The following LRRC36 variants were observed in gnomAD, a reference collection of about 807,000 sequenced individuals.
The protein encoded by LRRC36 is leucine-rich repeat-containing protein 36.
LRRC36 carries 62 observed loss-of-function variants against 81.1 expected under a neutral mutation model. The ratio of observed to expected loss-of-function variants is 0.76; its 90% CI spans 0.62 to 0.94. The LOEUF is 0.94. LRRC36 is among the 40% of genes least tolerant of loss of function. The pLI, the probability that LRRC36 is intolerant of heterozygous loss-of-function variation, is 0.00. For synonymous variants in LRRC36, 334 were observed against 348.6 expected, an observed-to-expected ratio of 0.96 and a Z score of 0.47; for missense variants, 761 against 881.7, an observed-to-expected ratio of 0.86 and a Z score of 1.73.
intron 2 of LRRC36, among the ~76,000 whole-genome samples, 153 bp from the exon 3 acceptor site, chr16:67,346,103 G>A (rs559771994): frequency 6.6e-6 from 1 of 152,260 alleles, no homozygotes; most frequent in East Asian, 1.9e-4. Flanking sequence ...TCTTATTTTC[G>A]GACAAGTTAA....
At chr16:67,354,081 G>T (rs374917054) in intron 5 of LRRC36, among the ~76,000 whole-genome samples, 1 of 151,998 alleles carries the variant, frequency 6.6e-6, no homozygotes, top group Non-Finnish European at 1.5e-5. Context: ...TGTCTCTTCA[G>T]CCTAAGCTGA....
Position 67,378,668 on chromosome 16 carries a change from G to A in LRRC36, c.1886G>A (p.Gly629Asp). The stretch of plus-strand genomic sequence containing the variant: ...GAAAAAATTCAACAGTTGGAGGAAG[G>A]TGCTGCCATCTCAATTGTGAGTGGG... ...LSEKIQQLEEGAAISIVSGQQ... is the reference protein window; with the variant it reads ...LSEKIQQLEEDAAISIVSGQQ... Residue 629 changes from glycine to aspartate, a missense_variant, in exon 12 of 14, where the codon GGT becomes GAT. Gly to Asp is a moderately conservative substitution (Grantham distance 94). This residue lies in a region of LRRC36 where 359 missense variants were observed against 388.4 expected (regional missense o/e 0.92). Coordinates refer to ENST00000329956, the MANE Select transcript of LRRC36 (RefSeq NM_018296.6). 1 of 1,614,120 alleles carries A rather than the reference G, an allele frequency of 6.2e-7. No individual in the cohort carries two copies. Among genetic ancestry groups the A allele is most frequent in the Middle Eastern group, 1.7e-4 (1 of 6,060 alleles).
At position 67,347,526 on chromosome 16, in the gene LRRC36, A is replaced by G. The variant is rs761498017; in HGVS notation, c.423A>G (p.Lys141=). 2.5e-6 allele frequency: 4 copies of G among 1,613,290 alleles called. No individual in the cohort carries two copies. The highest frequency in any genetic ancestry group is 3.4e-6 in the Non-Finnish European group (4 of 1,179,310). Residue 141 remains lysine (K), a synonymous_variant, in exon 4 of 14, where the codon AAA becomes AAG. Coordinates refer to ENST00000329956, the MANE Select transcript of LRRC36 (RefSeq NM_018296.6). ...DDRTVREGER[K]AAKLHFSQLG... is the part of the protein sequence containing the mutation. ...GAACTGTACGTGAAGGTGAGAGAAA[A>G]GCTGCCAAGCTGCATTTTAGTCAGT...
chr16:67,327,007 C>A (rs2037209399), intron 1 of LRRC36, 75 bp downstream of exon 1: 4 of 1,355,950 alleles, frequency 2.9e-6, no homozygotes, highest in East Asian at 3.1e-5. Flanking sequence ...AAGTGGAAGG[C>A]GGGGAACCTG....
chr16:67,361,706 G>A (rs2039153004), intron 5 of LRRC36, among the ~76,000 whole-genome samples: 1 of 152,050 alleles, frequency 6.6e-6, no homozygotes, highest in African/African-American at 2.4e-5. Flanking sequence ...TTGAGTAGCT[G>A]GGATTACAGG....
At chr16:67,376,184 T>G (rs1247860342) in intron 10 of LRRC36, among the ~76,000 whole-genome samples, 2 of 152,024 alleles carry the variant, frequency 1.3e-5, no homozygotes, top group African/African-American at 4.8e-5. Flanking sequence ...GGTGTGCGCC[T>G]GTAATCCCAG....
Position 67,347,506 on chromosome 16 carries a change from G to A in LRRC36, c.403G>A (p.Val135Ile). The change falls in exon 4 of 14, where the codon GTA becomes ATA. Residue 135 changes from valine to isoleucine, a missense_variant. Physicochemically the swap from Val to Ile is conservative, Grantham distance 29 (BLOSUM62 3). Coordinates refer to ENST00000329956, the MANE Select transcript of LRRC36 (RefSeq NM_018296.6). ...GTTTTTGCCTCCAGATGACCGAACT[G>A]TACGTGAAGGTGAGAGAAAAGCTGC... The part of the protein sequence containing the change: ...QTLEKLDDRT[V>I]REGERKAAKL... The A allele has an allele frequency of 6.2e-6, 10 of 1,613,214 alleles. No individual in the cohort carries two copies. Among genetic ancestry groups the A allele is most frequent in the Non-Finnish European group, 8.5e-6 (10 of 1,179,272 alleles).
intron 1 of LRRC36, among the ~76,000 whole-genome samples, chr16:67,340,239 TC>T (rs1274871034): frequency 1.3e-5 from 2 of 152,214 alleles, no homozygotes; most frequent in African/African-American, 4.8e-5. Context: ...CTGGCACTTA[TC>T]TGCAAACTGG....
At chr16:67,343,045 C>A (rs1376410449) in intron 2 of LRRC36, among the ~76,000 whole-genome samples, 1 of 152,020 alleles carries the variant, frequency 6.6e-6, no homozygotes, top group East Asian at 1.9e-4. Flanking sequence ...TATATTTGGC[C>A]TATCAGTTTC....
At chr16:67,331,113 G>GAGAGAGAGAGAGAGAGAGAGAGAA (rs1567462464) in intron 1 of LRRC36, among the ~76,000 whole-genome samples, 18 of 136,224 alleles carry the variant, frequency 1.3e-4, no homozygotes, top group African/African-American at 4.3e-4. Flanking sequence ...GAGAGAGAGA[G>GAGAGAGAGAGAGAGAGAGAGAGAA]AAGACTGAAC....
At chr16:67,380,656 A>C (rs541437596) in intron 12 of LRRC36, among the ~76,000 whole-genome samples, 12 of 152,220 alleles carry the variant, frequency 7.9e-5, no homozygotes, top group Non-Finnish European at 1.5e-4. Context: ...AATAATCAAG[A>C]TATCAGTCTC....
intron 5 of LRRC36, among the ~76,000 whole-genome samples, chr16:67,360,465 G>A (rs568972985): frequency 2.0e-5 from 3 of 152,310 alleles, no homozygotes; most frequent in South Asian, 4.1e-4. Flanking sequence ...AAGAGTAAGA[G>A]GAGCCCTGAA....
chr16:67,334,450 A>T (rs912357277), intron 1 of LRRC36, among the ~76,000 whole-genome samples: 3 of 151,562 alleles, frequency 2.0e-5, no homozygotes, highest in Non-Finnish European at 1.5e-5. Context: ...TCAGCCTCCC[A>T]AGTAGCTGGG....
chr16:67,353,845 A>G (rs1250105467), intron 5 of LRRC36, among the ~76,000 whole-genome samples: 1 of 152,224 alleles, frequency 6.6e-6, no homozygotes, highest in African/African-American at 2.4e-5. Context: ...ACTCTGGTCC[A>G]TCTGTCATCA....
At chr16:67,334,617 G>T (rs2037668709) in intron 1 of LRRC36, among the ~76,000 whole-genome samples, 2 of 152,146 alleles carry the variant, frequency 1.3e-5, no homozygotes, top group African/African-American at 4.8e-5. Flanking sequence ...GAGCCAGCGT[G>T]CCTGGCCAGT....
chr16:67,336,021 C>G (rs762349836), intron 1 of LRRC36, among the ~76,000 whole-genome samples: 2 of 152,216 alleles, frequency 1.3e-5, no homozygotes, highest in African/African-American at 2.4e-5. Context: ...CGTGAGCCAC[C>G]GCACCCGGCC....
chr16:67,360,849 T>G (rs1360465127), intron 5 of LRRC36, among the ~76,000 whole-genome samples: 1 of 152,182 alleles, frequency 6.6e-6, no homozygotes, highest in African/African-American at 2.4e-5. Flanking sequence ...GCACATTGTT[T>G]GACAAAGGCC....
intron 10 of LRRC36, among the ~76,000 whole-genome samples, chr16:67,376,453 T>C (rs2039897352): frequency 1.3e-5 from 2 of 152,226 alleles, no homozygotes; most frequent in East Asian, 1.9e-4. Context: ...TGTTGACCTA[T>C]TGCTCCCATT....
chr16:67,382,440 C>A (rs1283819789), intron 13 of LRRC36, among the ~76,000 whole-genome samples, 193 bp downstream of exon 13: 3 of 152,140 alleles, frequency 2.0e-5, no homozygotes, highest in African/African-American at 7.2e-5. Context: ...AGGGACTAAT[C>A]GTCTTTGTTG....
Sources: gnomAD v4.1 joint callset for allele counts (sites outside exome capture counted in the v4.1 genomes callset) on GRCh38, gnomAD v4.1.1 for gene constraint, gnomAD v4.1.1 regional missense constraint, MANE v1.5 for transcripts, NCBI Gene and HGNC (gene_info 2026-07-23, HGNC 2026-07-21) for gene names.